Variants in MYL4 observed in about 807,000 individuals in gnomAD.
MYL4 encodes the protein atrial myosin light chain 1.
Under a neutral mutation model 21.6 loss-of-function variants are expected in MYL4, and 16 were observed. The observed-to-expected ratio is 0.74, with a 90% CI of 0.50 to 1.12. The LOEUF is 1.12. Ranked by LOEUF, MYL4 falls within the 50% of genes most tolerant of loss-of-function variation. The pLI, the probability that MYL4 is intolerant of heterozygous loss-of-function variation, is 0.00. For missense variants in MYL4, 249 were observed against 252.9 expected, an observed-to-expected ratio of 0.98 and a Z score of 0.11; for synonymous variants, 82 against 95.7, an observed-to-expected ratio of 0.86 and a Z score of 0.83.
upstream of MYL4, among the ~76,000 whole-genome samples, chr17:47,199,737 CT>C (rs33975035): frequency 0.051 from 5,140 of 101,122 alleles, 50 homozygotes; most frequent in Middle Eastern, 0.077. Flanking sequence ...GTAGTAAAGT[CT>C]TTTTTTTTTT....
At chr17:47,218,259 A>C (rs1360608023) in intron 2 of MYL4, among the ~76,000 whole-genome samples, 2 of 152,206 alleles carry the variant, frequency 1.3e-5, no homozygotes, top group African/African-American at 4.8e-5. Context: ...AGGTCTGGGG[A>C]ATCTTCTGTG....
chr17:47,220,970 G>A lies in MYL4; in HGVS notation c.314-712G>A, dbSNP rs116003081. 2.3e-3 allele frequency among the ~76,000 whole-genome samples: 356 copies of A among 152,284 alleles called. 2 individuals carry two copies. Among genetic ancestry groups the A allele is most frequent in the Middle Eastern group, 0.014 (4 of 294 alleles). ...TCTCCTCTGGCTGAAGGTAACCGCG[G>A]GGGTGAAGGATGTGGGCAGGAAAGG... On this transcript the variant is annotated intron_variant, in intron 3 of 6. Coordinates refer to ENST00000393450, the MANE Select transcript of MYL4 (RefSeq NM_002476.2).
chr17:47,203,868 C>G (rs2064717941), intron 1 of MYL4, among the ~76,000 whole-genome samples: 1 of 152,224 alleles, frequency 6.6e-6, no homozygotes, highest in Non-Finnish European at 1.5e-5. Context: ...GTGTCATGCT[C>G]AGACTCATAA....
At chr17:47,208,812 A>G (rs1475167212), upstream of MYL4, among the ~76,000 whole-genome samples, 3 of 151,942 alleles carry the variant, frequency 2.0e-5, no homozygotes, top group South Asian at 6.3e-4. Flanking sequence ...TGGAAAATGG[A>G]GGCTTTCATC....
upstream of MYL4, among the ~76,000 whole-genome samples, chr17:47,207,146 C>A (rs991854594): frequency 6.6e-6 from 1 of 152,168 alleles, no homozygotes. Context: ...AGCTCAGGAC[C>A]AGGGCTGGGC....
chr17:47,227,419 G>A (rs1020129830), downstream of MYL4, among the ~76,000 whole-genome samples: 2 of 152,216 alleles, frequency 1.3e-5, no homozygotes, highest in Non-Finnish European at 2.9e-5. Context: ...CCCAGATCCA[G>A]ACCATGTACA....
At chr17:47,220,261 C>T (rs2064845797) in intron 3 of MYL4, among the ~76,000 whole-genome samples, 2 of 152,230 alleles carry the variant, frequency 1.3e-5, no homozygotes, top group South Asian at 4.1e-4. Flanking sequence ...AGGAATGTAG[C>T]CTGGGCTTGT....
At chr17:47,197,577 C>A (rs80173931), upstream of MYL4, among the ~76,000 whole-genome samples, 2,751 of 152,268 alleles carry the variant, frequency 0.018, 35 homozygotes, top group Non-Finnish European at 0.027. Flanking sequence ...GATTTTTTGA[C>A]TTTATGATGG....
At chr17:47,213,937 C>A in intron 2 of MYL4, 111 bp downstream of exon 2, 1 of 1,274,924 alleles carries the variant, frequency 7.8e-7, no homozygotes, top group South Asian at 1.2e-5. Context: ...TAATCACTGT[C>A]ATCATCATAG....
At chr17:47,204,485 T>G (rs1255201297), upstream of MYL4, among the ~76,000 whole-genome samples, 1 of 152,218 alleles carries the variant, frequency 6.6e-6, no homozygotes, top group African/African-American at 2.4e-5. Context: ...ATTCTACATG[T>G]GCCACCTGTA....
chr17:47,224,069 A>G (rs1433780173), downstream of MYL4, among the ~76,000 whole-genome samples: 1 of 152,210 alleles, frequency 6.6e-6, no homozygotes, highest in Non-Finnish European at 1.5e-5. Flanking sequence ...ACATAACATG[A>G]AATTTACCAT....
chr17:47,215,189 C>T (rs982114749), intron 2 of MYL4, among the ~76,000 whole-genome samples: 2 of 152,194 alleles, frequency 1.3e-5, no homozygotes, highest in East Asian at 3.8e-4. Context: ...TCAGTGGATA[C>T]TCACTTGCAG....
chr17:47,224,331 A>G (rs192666859), downstream of MYL4, among the ~76,000 whole-genome samples: 1 of 152,278 alleles, frequency 6.6e-6, no homozygotes, highest in Non-Finnish European at 1.5e-5. Flanking sequence ...TTCCCCTTTT[A>G]AAAACCATCA....
At chr17:47,191,519 G>A in the MYL4 span, among the ~76,000 whole-genome samples, 1,721 of 152,240 alleles carry the variant, frequency 0.011, 28 homozygotes, top group African/African-American at 0.039. Context: ...GCCCAGAGCT[G>A]GAGTGTAATG....
upstream of MYL4, among the ~76,000 whole-genome samples, chr17:47,199,737 C>CT (rs33975035): frequency 0.11 from 11,283 of 101,264 alleles, 1,251 homozygotes; most frequent in East Asian, 0.45. Flanking sequence ...GTAGTAAAGT[C>CT]TTTTTTTTTT....
chr17:47,220,079 C>T (rs751344294), intron 3 of MYL4, 26 bp downstream of exon 3: 42 of 1,586,464 alleles, frequency 2.6e-5, no homozygotes, highest in Non-Finnish European at 3.3e-5. Flanking sequence ...TGGCAGACCT[C>T]TCCCAGGGTC....
At chr17:47,202,870 G>A (rs1381906768) in intron 1 of MYL4, among the ~76,000 whole-genome samples, 7 of 152,134 alleles carry the variant, frequency 4.6e-5, no homozygotes, top group African/African-American at 1.7e-4. Context: ...ATTGTGAAAG[G>A]TTTCAATTTG....
chr17:47,199,838 C>A (rs967164915), upstream of MYL4, among the ~76,000 whole-genome samples: 9 of 148,710 alleles, frequency 6.1e-5, no homozygotes, highest in South Asian at 2.0e-3. Context: ...TGGGTTCAAC[C>A]GATCCTCCCA....
chr17:47,209,850 T>C, intron 1 of MYL4: 1 of 539,338 alleles, frequency 1.9e-6, no homozygotes, highest in Non-Finnish European at 3.3e-6. Flanking sequence ...CAACCATCCA[T>C]CCACCCTTTT....
Sources: allele counts gnomAD v4.1 joint callset (sites outside exome capture counted in the v4.1 genomes callset), GRCh38; gene constraint gnomAD v4.1.1; transcripts MANE v1.5; gene names NCBI Gene and HGNC (gene_info 2026-07-23, HGNC 2026-07-21).